The following CFAP47 variants were observed in gnomAD, a reference collection of about 807,000 sequenced individuals.
The protein encoded by CFAP47 is cilia and flagella associated protein 47, also known as cilia- and flagella-associated protein 47.
Under a neutral mutation model 148.1 loss-of-function variants are expected in CFAP47, and 29 were observed. The observed-to-expected ratio is 0.20, with a 90% CI of 0.15 to 0.27. CFAP47 has a LOEUF of 0.27. Among genes scored for constraint, CFAP47 ranks in the 10% least tolerant of loss-of-function variants. The probability of loss-of-function intolerance (pLI) is 1.00; values close to 1 mark genes in which losing one functional copy is unlikely to be tolerated. For missense variants in CFAP47, 1,872 were observed against 1,697.5 expected (o/e 1.10, Z -1.81); for synonymous variants, 664 against 577.3 (o/e 1.15, Z -2.15).
chrX:36,269,561 C>T (rs782406341), intron 49 of CFAP47, among the ~76,000 whole-genome samples: 1 of 112,471 alleles, frequency 8.9e-6, no homozygotes, highest in African/African-American at 3.2e-5. Context: ...TTTGGGGTGA[C>T]ATTTCTCAAT....
intron 51 of CFAP47, among the ~76,000 whole-genome samples, chrX:36,296,607 T>C (rs1941244842): frequency 8.9e-6 from 1 of 112,570 alleles, no homozygotes; most frequent in African/African-American, 3.2e-5. Flanking sequence ...TTAAAACATT[T>C]TGAAACTCAG....
intron 18 of CFAP47, among the ~76,000 whole-genome samples, chrX:35,993,918 C>T (rs972248056): frequency 9.0e-6 from 1 of 111,326 alleles, no homozygotes; most frequent in East Asian, 2.8e-4. Context: ...TATTTTAGAG[C>T]ACACATAAAA....
intron 37 of CFAP47, among the ~76,000 whole-genome samples, chrX:36,150,916 A>T (rs1289695653): frequency 8.9e-6 from 1 of 112,213 alleles, no homozygotes; most frequent in Non-Finnish European, 1.9e-5. Flanking sequence ...CTATTAAAAA[A>T]CATAATGATA....
At chrX:36,026,567 T>C (rs1159617430) in intron 22 of CFAP47, among the ~76,000 whole-genome samples, 1 of 111,563 alleles carries the variant, frequency 9.0e-6, no homozygotes, top group Non-Finnish European at 1.9e-5. Flanking sequence ...AAGAATGCCA[T>C]TTTTGTTTGA....
chrX:35,972,729 C>A (rs780483838), intron 13 of CFAP47, among the ~76,000 whole-genome samples: 1 of 111,345 alleles, frequency 9.0e-6, no homozygotes, highest in Admixed American at 9.6e-5. Context: ...GAAACAGCAC[C>A]CCATTTTATG....
intron 39 of CFAP47, among the ~76,000 whole-genome samples, chrX:36,169,395 T>A (rs1336605212): frequency 5.4e-5 from 6 of 110,548 alleles, no homozygotes; most frequent in Non-Finnish European, 1.1e-4. Context: ...TTTTGGAAAT[T>A]CTCATTAGAC....
chrX:36,299,093 A>G lies in CFAP47; in HGVS notation c.7803A>G (p.Leu2601=), dbSNP rs1303703492. The part of the protein sequence containing the change: ...NGDNEIILSP[L]QCTKYIVWYS... ...ATAATGAAATTATCCTGAGTCCACT[A>G]CAGTGCACCAAATATATTGTATGGT... The change falls in exon 52 of 64, where the codon CTA becomes CTG. Residue 2601 remains leucine (L), a synonymous_variant. Transcript: ENST00000378653. 8.9e-7 allele frequency: 1 copy of G among 1,125,900 alleles called. No individual in the cohort carries two copies. Among genetic ancestry groups the G allele is most frequent in the Non-Finnish European group, 1.2e-6 (1 of 843,485 alleles). 92.8% of individuals were successfully genotyped at this position (1,125,900 alleles called of 1,213,427 possible). A position where few individuals can be genotyped will look rare whatever the true frequency, so the allele number is the denominator to read the frequency against.
intron 57 of CFAP47, among the ~76,000 whole-genome samples, chrX:36,322,543 G>A (rs1556012198): frequency 9.0e-6 from 1 of 111,057 alleles, no homozygotes; most frequent in African/African-American, 3.3e-5. Context: ...ACTACAATTA[G>A]TAGTTATATA....
In CFAP47 at chrX:36,027,913, T is replaced by C. The variant is rs1032595000; in HGVS notation, c.3557-3340T>C. On this transcript the variant is annotated intron_variant, in intron 22 of 63. Transcript: ENST00000378653. ...TTTGCACCTCGCTGATAATTAGTGATGTTGAAATGTTTTTCATGTTTGTTG... is the reference window on the plus strand; with the variant it reads ...TTTGCACCTCGCTGATAATTAGTGACGTTGAAATGTTTTTCATGTTTGTTG... Among the ~76,000 whole-genome samples the C allele has an allele frequency of 3.6e-5, 4 of 111,923 alleles. No individual in the cohort carries two copies. In the South Asian group the frequency reaches 1.5e-3, roughly 41 times the overall value.
At chrX:36,255,419 C>T (rs1404574387) in intron 49 of CFAP47, among the ~76,000 whole-genome samples, 1 of 112,528 alleles carries the variant, frequency 8.9e-6, no homozygotes, top group Non-Finnish European at 1.9e-5. Flanking sequence ...CATTAAGGCT[C>T]CTGAAGCTGG....
chrX:35,941,489 C>T (rs192686370), intron 3 of CFAP47, 91 bp downstream of exon 3: 798 of 461,698 alleles, frequency 1.7e-3, no homozygotes, highest in Non-Finnish European at 2.5e-3. Context: ...CCTAATTTAA[C>T]TGAAAAAAGG....
chrX:36,023,759 T>G (rs1343909109), intron 22 of CFAP47, among the ~76,000 whole-genome samples: 1 of 111,413 alleles, frequency 9.0e-6, no homozygotes, highest in Non-Finnish European at 1.9e-5. Context: ...CCACAGGGAG[T>G]GCTGCCAGAC....
chrX:36,203,644 A>C (rs1449874445), intron 44 of CFAP47, among the ~76,000 whole-genome samples: 1 of 112,301 alleles, frequency 8.9e-6, no homozygotes, highest in East Asian at 2.8e-4. Context: ...CTATCCTTTG[A>C]CATCTTATGC....
intron 8 of CFAP47, among the ~76,000 whole-genome samples, chrX:35,958,640 A>G (rs1361650737): frequency 9.0e-6 from 1 of 111,681 alleles, no homozygotes; most frequent in Non-Finnish European, 1.9e-5. Flanking sequence ...ATGATGATGA[A>G]TATCTTTTCA....
rs1309225680 is a variant in CFAP47, at chrX:36,159,556, G to A, written c.5917G>A (p.Val1973Ile). Reference sequence around the variant, plus strand: ...AATGACTTTTGCTCTTAAAGGCAAAGTCCTCGATTTTAAAGCCATTGTAAG... The same window carrying A: ...AATGACTTTTGCTCTTAAAGGCAAAATCCTCGATTTTAAAGCCATTGTAAG... ...ITMTFALKGKVLDFKAIDIIK... is the reference protein window; with the variant it reads ...ITMTFALKGKILDFKAIDIIK... The change falls in exon 38 of 64, where the codon GTC becomes ATC. Residue 1973 changes from valine to isoleucine, a missense_variant. Transcript: ENST00000378653. 3.4e-6 allele frequency: 1 copy of A among 295,820 alleles called. No individual in the cohort carries two copies. The highest frequency in any genetic ancestry group is 2.7e-5 in the African/African-American group (1 of 36,496). The allele number at this position is 295,820 out of a possible 1,213,427, so 24.4% of individuals were successfully genotyped here.
intron 22 of CFAP47, among the ~76,000 whole-genome samples, chrX:36,030,008 T>A (rs1937263006): frequency 1.8e-5 from 2 of 110,975 alleles, no homozygotes; most frequent in South Asian, 7.4e-4. Flanking sequence ...TCACTACTTT[T>A]ACTGAATTAT....
At chrX:36,205,298 T>A (rs1328992998) in intron 45 of CFAP47, among the ~76,000 whole-genome samples, 188 bp downstream of exon 45, 3 of 112,175 alleles carry the variant, frequency 2.7e-5, no homozygotes, top group Non-Finnish European at 5.6e-5. Context: ...ACATATTACA[T>A]CACAGTAATC....
intron 46 of CFAP47, among the ~76,000 whole-genome samples, chrX:36,235,607 C>G (rs1555994249): frequency 8.9e-6 from 1 of 112,478 alleles, no homozygotes; most frequent in African/African-American, 3.2e-5. Context: ...TCGGCTCACA[C>G]ACGGTGCGCT....
chrX:36,055,921 CT>C (rs1365561352), intron 26 of CFAP47, among the ~76,000 whole-genome samples: 1 of 106,591 alleles, frequency 9.4e-6, no homozygotes, highest in Non-Finnish European at 1.9e-5. Context: ...TGATGTTGAG[CT>C]TTTTTTTTTC....
Sources: allele counts gnomAD v4.1 joint callset (sites outside exome capture counted in the v4.1 genomes callset), GRCh38; gene constraint gnomAD v4.1.1; transcripts MANE v1.5; gene names NCBI Gene and HGNC (gene_info 2026-07-23, HGNC 2026-07-21).